Variants in CDC14A observed in about 807,000 individuals in gnomAD.
CDC14A encodes the protein dual specificity protein phosphatase CDC14A.
A neutral mutation model predicts 74.4 loss-of-function variants in CDC14A; 53 were observed. The observed-to-expected ratio is 0.71, with a 90% confidence interval of 0.57 to 0.89. The LOEUF is 0.89. Among genes scored for constraint, CDC14A ranks in the 40% least tolerant of loss-of-function variants. The pLI, the probability that CDC14A is intolerant of heterozygous loss-of-function variation, is 0.00. For synonymous variants in CDC14A, 247 were observed against 258.4 expected, an observed-to-expected ratio of 0.96 and a Z score of 0.43; for missense variants, 646 against 713.7, an observed-to-expected ratio of 0.91 and a Z score of 1.08.
intron 11 of CDC14A, chr1:100,485,214 G>A (rs1354084025): frequency 1.0e-6 from 1 of 985,368 alleles, no homozygotes; most frequent in Non-Finnish European, 1.2e-6. Context: ...AGAAACTGGG[G>A]TCCCAGAAAA....
chr1:100,487,572 G>GAAACAAAACAAAACGAAACAA (rs3081857), intron 11 of CDC14A, among the ~76,000 whole-genome samples: 3 of 150,974 alleles, frequency 2.0e-5, no homozygotes, highest in Admixed American at 2.0e-4. Flanking sequence ...AAACAAAACA[G>GAAACAAAACAAAACGAAACAA]AACAAAACAA....
chr1:100,460,011 A>G (rs1557783034), intron 8 of CDC14A, among the ~76,000 whole-genome samples: 2 of 152,312 alleles, frequency 1.3e-5, no homozygotes, highest in Non-Finnish European at 2.9e-5. Flanking sequence ...TAGCCCCAGC[A>G]TGGGTGTTGG....
At chr1:100,446,357 T>C (rs1351374451) in intron 7 of CDC14A, among the ~76,000 whole-genome samples, 1 of 152,192 alleles carries the variant, frequency 6.6e-6, no homozygotes, top group African/African-American at 2.4e-5. Flanking sequence ...AGAGTGCTAC[T>C]TATAAATGCT....
At chr1:100,390,580 C>G (rs1252966918) in intron 3 of CDC14A, 152 bp from the exon 4 acceptor site, 3 of 589,974 alleles carry the variant, frequency 5.1e-6, no homozygotes, top group Non-Finnish European at 9.0e-6. Flanking sequence ...TAGTAATTCT[C>G]TAACCCTCAA....
chr1:100,473,977 T>C (rs927711664), intron 10 of CDC14A, among the ~76,000 whole-genome samples: 1 of 152,142 alleles, frequency 6.6e-6, no homozygotes, highest in Non-Finnish European at 1.5e-5. Context: ...AGTATGTTAA[T>C]TGAGGTTTTC....
intron 7 of CDC14A, among the ~76,000 whole-genome samples, chr1:100,451,596 G>A (rs913698140): frequency 6.6e-6 from 1 of 152,126 alleles, no homozygotes; most frequent in African/African-American, 2.4e-5. Context: ...TAGAAGTTAG[G>A]GAAATATAAA....
upstream of CDC14A, among the ~76,000 whole-genome samples, chr1:100,349,884 T>C (rs1650774846): frequency 6.6e-6 from 1 of 151,810 alleles, no homozygotes; most frequent in Non-Finnish European, 1.5e-5. Flanking sequence ...GCCGTGGCAC[T>C]ATCTCGGCTC....
intron 5 of CDC14A, among the ~76,000 whole-genome samples, chr1:100,431,454 TA>T (rs1663672110): frequency 6.6e-6 from 1 of 152,228 alleles, no homozygotes; most frequent in East Asian, 1.9e-4. Flanking sequence ...TCATTTACCT[TA>T]ATGAACATAG....
chr1:100,458,689 A>ATTT (rs397793689), intron 8 of CDC14A, among the ~76,000 whole-genome samples: 4 of 145,678 alleles, frequency 2.7e-5, no homozygotes, highest in African/African-American at 7.5e-5. Flanking sequence ...CGTCTTGGTA[A>ATTT]TTTTTTTTTT....
chr1:100,512,287 T>C (rs899259204), intron 15 of CDC14A, among the ~76,000 whole-genome samples: 1 of 152,122 alleles, frequency 6.6e-6, no homozygotes, highest in Non-Finnish European at 1.5e-5. Context: ...GGTTCCACAG[T>C]ACAGTATAAG....
At position 100,438,220 on chromosome 1, in the gene CDC14A, T is replaced by C. The variant is rs532469259; in HGVS notation, c.390-1712T>C. On this transcript the variant is annotated intron_variant, in intron 5 of 15. Transcript: ENST00000336454. Reference sequence around the variant, plus strand: ...TTATATAATATATTAATTTGAAAAGTGCATTTTGGGGTATTGCAAATTTGT... The same window carrying C: ...TTATATAATATATTAATTTGAAAAGCGCATTTTGGGGTATTGCAAATTTGT... Among the ~76,000 whole-genome samples the C allele has an allele frequency of 1.1e-3, 171 of 152,314 alleles. 1 individual carries two copies. Among genetic ancestry groups the C allele is most frequent in the Non-Finnish European group, 1.9e-3 (132 of 68,022 alleles).
chr1:100,393,228 A>T lies in CDC14A; in HGVS notation c.309+2404A>T, dbSNP rs142940736. On this transcript the variant is annotated intron_variant, in intron 4 of 15. Coordinates refer to ENST00000336454, the MANE Select transcript of CDC14A (RefSeq NM_003672.4). ...CTTTCTCTGCCAGTTTAAATCTTGA[A>T]TATGTTTTCTTAACTTCTGAAGTTC... The T allele has an allele frequency of 5.3e-4, 840 of 1,583,480 alleles. 5 individuals are homozygous for T. In the African/African-American group the frequency reaches 0.011, roughly 20 times the overall value.
intron 4 of CDC14A, among the ~76,000 whole-genome samples, chr1:100,423,247 T>A (rs1368794133): frequency 6.6e-6 from 1 of 152,108 alleles, no homozygotes; most frequent in East Asian, 1.9e-4. Context: ...CTTACCAAGC[T>A]CTTTCCCACC....
intron 4 of CDC14A, among the ~76,000 whole-genome samples, chr1:100,408,369 A>G (rs1302632211): frequency 1.3e-5 from 2 of 152,172 alleles, no homozygotes; most frequent in Non-Finnish European, 2.9e-5. Context: ...ATAGTGCTGC[A>G]GTGAATGCAC....
At chr1:100,387,830 GA>G in intron 3 of CDC14A, among the ~76,000 whole-genome samples, 1 of 151,974 alleles carries the variant, frequency 6.6e-6, no homozygotes. Context: ...GAGAAAAAAC[GA>G]AACCAAGTAA....
intron 1 of CDC14A, among the ~76,000 whole-genome samples, chr1:100,347,213 G>A (rs1169035284): frequency 1.3e-5 from 2 of 152,126 alleles, no homozygotes; most frequent in Non-Finnish European, 2.9e-5. Flanking sequence ...ATGAATACTG[G>A]TCTTATTTCC....
intron 2 of CDC14A, among the ~76,000 whole-genome samples, chr1:100,363,527 A>G (rs768417105): frequency 6.6e-6 from 1 of 151,952 alleles, no homozygotes; most frequent in East Asian, 1.9e-4. Flanking sequence ...TGAATAAGAT[A>G]TTTCCTTTAT....
intron 15 of CDC14A, among the ~76,000 whole-genome samples, chr1:100,504,328 G>A (rs1649046970): frequency 6.6e-6 from 1 of 152,100 alleles, no homozygotes; most frequent in African/African-American, 2.4e-5. Context: ...ATTGTCTCTT[G>A]GAATTTTTCC....
chr1:100,399,060 G>T (rs921620602), intron 4 of CDC14A, among the ~76,000 whole-genome samples: 2 of 152,008 alleles, frequency 1.3e-5, no homozygotes, highest in Admixed American at 1.3e-4. Context: ...GAAGATAGGG[G>T]TGTTTTTTTC....
Sources: gnomAD v4.1 joint callset for allele counts (sites outside exome capture counted in the v4.1 genomes callset) on GRCh38, gnomAD v4.1.1 for gene constraint, MANE v1.5 for transcripts, NCBI Gene and HGNC (gene_info 2026-07-23, HGNC 2026-07-21) for gene names.